Variants in WDR41 observed in about 807,000 individuals in gnomAD.
WDR41 encodes the protein WD repeat domain 41.
Under a neutral mutation model 69.3 loss-of-function variants are expected in WDR41, and 63 were observed. The observed-to-expected ratio is 0.91, with a 90% CI of 0.74 to 1.12. WDR41 has a LOEUF of 1.12. WDR41 is among the 50% of genes most tolerant of loss of function. The probability of loss-of-function intolerance (pLI) is 0.00; values close to 1 mark genes in which losing one functional copy is unlikely to be tolerated. For synonymous variants in WDR41, 185 were observed against 192.1 expected, an observed-to-expected ratio of 0.96 and a Z score of 0.31; for missense variants, 543 against 534.5, an observed-to-expected ratio of 1.02 and a Z score of -0.16.
chr5:77,433,628 T>A (rs1798815668), intron 12 of WDR41, among the ~76,000 whole-genome samples: 1 of 152,212 alleles, frequency 6.6e-6, no homozygotes, highest in Non-Finnish European at 1.5e-5. Context: ...AATGTCTGAA[T>A]TCTAAATTTC....
At chr5:77,436,881 T>C (rs1358778024) in intron 11 of WDR41, among the ~76,000 whole-genome samples, 2 of 152,214 alleles carry the variant, frequency 1.3e-5, no homozygotes, top group African/African-American at 4.8e-5. Flanking sequence ...AGTTTTGTTT[T>C]TCAAACTAAA....
chr5:77,508,825 C>T (rs1229614920), intron 1 of WDR41, among the ~76,000 whole-genome samples: 1 of 151,986 alleles, frequency 6.6e-6, no homozygotes, highest in Admixed American at 6.6e-5. Flanking sequence ...AGCTTCTGTA[C>T]TCATCACAGT....
chr5:77,435,033 T>C (rs1416337630), intron 12 of WDR41, among the ~76,000 whole-genome samples: 1 of 152,148 alleles, frequency 6.6e-6, no homozygotes, highest in Non-Finnish European at 1.5e-5. Flanking sequence ...CCTACTAGTG[T>C]CTGTTCACAG....
At chr5:77,589,755 A>G (rs1744103482) in intron 1 of WDR41, among the ~76,000 whole-genome samples, 1 of 152,150 alleles carries the variant, frequency 6.6e-6, no homozygotes. Context: ...ATACATACAT[A>G]ATCATGTCAT....
chr5:77,433,262 CCATGATCTT>C lies in WDR41; in HGVS notation c.1244_1252del (p.Glu415_His417del). On this transcript the variant is annotated inframe_deletion, in exon 13 of 13. Coordinates refer to ENST00000296679, the MANE Select transcript of WDR41 (RefSeq NM_018268.4). ...ATGATCAGCGGAGCACGTCACTAGTCCATGATCTTCAAAGTATAGAAACATCTGTAAAGA... is the reference window on the plus strand; with the variant it reads ...ATGATCAGCGGAGCACGTCACTAGTCCAAAGTATAGAAACATCTGTAAAGA... 1 of 1,612,844 alleles carries C rather than the reference CCATGATCTT, an allele frequency of 6.2e-7. No individual in the cohort carries two copies. The highest frequency in any genetic ancestry group is 8.5e-7 in the Non-Finnish European group (1 of 1,179,692).
At chr5:77,449,454 A>G (rs1188808595) in intron 8 of WDR41, among the ~76,000 whole-genome samples, 2 of 152,218 alleles carry the variant, frequency 1.3e-5, no homozygotes, top group Non-Finnish European at 2.9e-5. Flanking sequence ...AGCCAGAAAC[A>G]GCTGCCAAAA....
At chr5:77,556,190 G>A (rs890581346) in intron 1 of WDR41, among the ~76,000 whole-genome samples, 2 of 131,926 alleles carry the variant, frequency 1.5e-5, no homozygotes, top group African/African-American at 2.9e-5. Flanking sequence ...TGCAACCTCC[G>A]ACTCCCGGGT....
intron 1 of WDR41, among the ~76,000 whole-genome samples, chr5:77,596,032 A>G (rs762926948): frequency 2.0e-5 from 3 of 152,322 alleles, no homozygotes; most frequent in African/African-American, 7.2e-5. Context: ...GCCATAACCT[A>G]TTGGTCAAAT....
At chr5:77,612,698 G>A (rs1379755656) in intron 1 of WDR41, among the ~76,000 whole-genome samples, 2 of 151,724 alleles carry the variant, frequency 1.3e-5, no homozygotes, top group African/African-American at 4.8e-5. Flanking sequence ...AACTGAATGG[G>A]CAAAAACTGG....
At chr5:77,535,956 C>A (rs1241120865) in intron 1 of WDR41, among the ~76,000 whole-genome samples, 1 of 152,116 alleles carries the variant, frequency 6.6e-6, no homozygotes, top group Non-Finnish European at 1.5e-5. Context: ...GATAGTTCTG[C>A]AGTCAAAATT....
chr5:77,557,353 C>CA (rs1743422085), intron 1 of WDR41, among the ~76,000 whole-genome samples: 1 of 152,034 alleles, frequency 6.6e-6, no homozygotes. Flanking sequence ...AATGAGCCCC[C>CA]AAAATTGTAC....
At chr5:77,568,418 A>T (rs1743675674) in intron 1 of WDR41, among the ~76,000 whole-genome samples, 2 of 152,158 alleles carry the variant, frequency 1.3e-5, no homozygotes, top group South Asian at 4.1e-4. Context: ...CAAATGTCCA[A>T]AATAACCCAT....
At position 77,454,011 on chromosome 5, in the gene WDR41, C is replaced by A. The variant is rs1293566922; in HGVS notation, c.412-83G>T. The A allele has an allele frequency of 3.9e-6, 4 of 1,022,148 alleles. No homozygotes were observed. In the African/African-American group the frequency reaches 6.4e-5, roughly 16 times the overall value. 63.3% of individuals were successfully genotyped at this position (1,022,148 alleles called of 1,614,324 possible). Reference sequence around the variant, plus strand: ...TGGTTTAAAAATATATCCACAAGTTCTTTAACCCCTTCCTTCACTAGGTGG... The same window carrying A: ...TGGTTTAAAAATATATCCACAAGTTATTTAACCCCTTCCTTCACTAGGTGG... On this transcript the variant is annotated intron_variant, in intron 5 of 12. Coordinates refer to ENST00000296679, the MANE Select transcript of WDR41 (RefSeq NM_018268.4).
intron 1 of WDR41, among the ~76,000 whole-genome samples, chr5:77,586,097 T>C (rs1744032898): frequency 1.3e-5 from 2 of 152,290 alleles, no homozygotes; most frequent in African/African-American, 4.8e-5. Flanking sequence ...TTTTTAGAAC[T>C]TTTTTAACCA....
At chr5:77,485,714 C>T (rs1434085550) in intron 2 of WDR41, among the ~76,000 whole-genome samples, 1 of 152,042 alleles carries the variant, frequency 6.6e-6, no homozygotes, top group Non-Finnish European at 1.5e-5. Context: ...GATCTCTCAT[C>T]AATACGACCC....
At chr5:77,581,832 G>A (rs1032332733) in intron 1 of WDR41, among the ~76,000 whole-genome samples, 2 of 152,098 alleles carry the variant, frequency 1.3e-5, no homozygotes, top group African/African-American at 4.8e-5. Context: ...AAAATTTATG[G>A]GATGCAGCTA....
intron 2 of WDR41, among the ~76,000 whole-genome samples, chr5:77,476,324 G>A (rs1419825163): frequency 7.3e-5 from 11 of 150,746 alleles, no homozygotes; most frequent in African/African-American, 9.8e-5. Context: ...TACAGAGAAC[G>A]CCACAAAGAT....
intron 9 of WDR41, among the ~76,000 whole-genome samples, chr5:77,439,297 A>G (rs1581692468): frequency 6.6e-6 from 1 of 152,196 alleles, no homozygotes; most frequent in East Asian, 1.9e-4. Context: ...CACAGCCTCC[A>G]AGACTACAAA....
chr5:77,617,066 C>T (rs1335819847), intron 1 of WDR41, among the ~76,000 whole-genome samples: 2 of 152,158 alleles, frequency 1.3e-5, no homozygotes, highest in Non-Finnish European at 2.9e-5. Context: ...AAACTCAGCA[C>T]GAAGCAGGGC....
Sources: gnomAD v4.1 joint callset for allele counts (sites outside exome capture counted in the v4.1 genomes callset) on GRCh38, gnomAD v4.1.1 for gene constraint, MANE v1.5 for transcripts, NCBI Gene and HGNC (gene_info 2026-07-23, HGNC 2026-07-21) for gene names.